LRFN2: variants seen among roughly 807,000 people sequenced by gnomAD.
LRFN2 encodes the protein leucine-rich repeat and fibronectin type-III domain-containing protein 2.
Under a neutral mutation model 37.3 loss-of-function variants are expected in LRFN2, and 18 were observed. The ratio of observed to expected loss-of-function variants is 0.48; its 90% CI spans 0.33 to 0.72. The LOEUF (loss-of-function observed/expected upper bound fraction) is 0.72, where lower values mean the gene tolerates loss of function less well. Ranked by LOEUF, LRFN2 falls within the 30% of genes least tolerant of loss-of-function variation. The probability of loss-of-function intolerance (pLI) is 0.02; values close to 1 mark genes in which losing one functional copy is unlikely to be tolerated. For missense variants in LRFN2, 1,006 were observed against 1,060.7 expected, an observed-to-expected ratio of 0.95 and a Z score of 0.72; for synonymous variants, 556 against 466.6, an observed-to-expected ratio of 1.19 and a Z score of -2.47.
rs543147086 is a variant in LRFN2 at position 40,578,390 on chromosome 6, A to G, written c.-19+8551T>C. On this transcript the variant is annotated intron_variant, in intron 1 of 2. Coordinates refer to ENST00000338305, the MANE Select transcript of LRFN2 (RefSeq NM_020737.3). The stretch of plus-strand genomic sequence containing the variant: ...TTCTTGTGACCCCTCGCCTGAATGC[A>G]GTGTGGCTGTAAGGTACAATGAAAA... Among the ~76,000 whole-genome samples the G allele has an allele frequency of 1.3e-3, 202 of 152,334 alleles. 1 individual carries two copies. Among genetic ancestry groups the G allele is most frequent in the African/African-American group, 4.7e-3 (195 of 41,574 alleles).
intron 1 of LRFN2, among the ~76,000 whole-genome samples, chr6:40,462,002 A>G (rs1764358203): frequency 6.6e-6 from 1 of 152,170 alleles, no homozygotes; most frequent in African/African-American, 2.4e-5. Flanking sequence ...GGACCTCTTA[A>G]TTCTGTTACA....
intron 1 of LRFN2, among the ~76,000 whole-genome samples, chr6:40,550,123 C>T (rs375982): frequency 4.6e-5 from 7 of 152,200 alleles, no homozygotes; most frequent in South Asian, 4.1e-4. Context: ...GGTGCAGCTG[C>T]GGCACAGCCA....
chr6:40,566,285 G>A (rs1170394107), intron 1 of LRFN2, among the ~76,000 whole-genome samples: 3 of 152,126 alleles, frequency 2.0e-5, no homozygotes, highest in African/African-American at 4.8e-5. Context: ...CACTGTTGGT[G>A]GGACTGTAAA....
intron 1 of LRFN2, among the ~76,000 whole-genome samples, chr6:40,442,226 G>A (rs899229668): frequency 3.9e-5 from 6 of 152,302 alleles, no homozygotes; most frequent in South Asian, 2.1e-4. Flanking sequence ...GGTGAATAAC[G>A]CAAAGTGGCA....
At chr6:40,436,576 C>T (rs1763682146) in intron 1 of LRFN2, among the ~76,000 whole-genome samples, 1 of 152,142 alleles carries the variant, frequency 6.6e-6, no homozygotes, top group South Asian at 2.1e-4. Context: ...CTGCCCTGGC[C>T]TCCCCATGAG....
chr6:40,508,792 G>A (rs1765612697), intron 1 of LRFN2, among the ~76,000 whole-genome samples: 1 of 152,184 alleles, frequency 6.6e-6, no homozygotes, highest in Admixed American at 6.5e-5. Flanking sequence ...AACAGCAGAA[G>A]CAGAGTCTTA....
intron 1 of LRFN2, among the ~76,000 whole-genome samples, chr6:40,558,627 G>C (rs116828123): frequency 6.6e-6 from 1 of 152,300 alleles, no homozygotes; most frequent in South Asian, 2.1e-4. Flanking sequence ...GGGGCCCAGT[G>C]GGGGAAGGCG....
intron 1 of LRFN2, among the ~76,000 whole-genome samples, chr6:40,511,993 G>T (rs1765721802): frequency 6.6e-6 from 1 of 152,242 alleles, no homozygotes; most frequent in Non-Finnish European, 1.5e-5. Context: ...GTTTTGCAAA[G>T]ATGAGCAAAG....
intron 1 of LRFN2, among the ~76,000 whole-genome samples, chr6:40,574,841 A>T (rs2113796439): frequency 1.3e-5 from 2 of 152,234 alleles, no homozygotes; most frequent in African/African-American, 4.8e-5. Context: ...CCTTGGAGTC[A>T]TGGGACTCAC....
rs7746832 is a variant in LRFN2, at chr6:40,452,733, C to T, written c.-18-19602G>A. Among the ~76,000 whole-genome samples, 1,312 of 152,166 alleles carry T rather than the reference C, an allele frequency of 8.6e-3. 19 individuals carry two copies. The highest frequency in any genetic ancestry group is 0.03 in the African/African-American group (1,226 of 41,508). On this transcript the variant is annotated intron_variant, in intron 1 of 2. Coordinates refer to ENST00000338305, the MANE Select transcript of LRFN2 (RefSeq NM_020737.3). ...TAAGGGAGGTTCCTTTGAAGCCAAC[C>T]GTATGAACATTATGGAATTATCCTT...
At chr6:40,571,532 G>A (rs570246251) in intron 1 of LRFN2, among the ~76,000 whole-genome samples, 15 of 152,274 alleles carry the variant, frequency 9.9e-5, no homozygotes, top group Admixed American at 2.0e-4. Flanking sequence ...GGGGAGGGAG[G>A]GAGCTGAAAC....
intron 1 of LRFN2, among the ~76,000 whole-genome samples, chr6:40,497,250 T>C (rs751339786): frequency 1.9e-4 from 29 of 152,254 alleles, no homozygotes; most frequent in Non-Finnish European, 2.9e-4. Flanking sequence ...AGATGTCCCT[T>C]ACCAGCAAAC....
At chr6:40,468,615 G>T (rs1182429773) in intron 1 of LRFN2, among the ~76,000 whole-genome samples, 2 of 152,094 alleles carry the variant, frequency 1.3e-5, no homozygotes, top group African/African-American at 4.8e-5. Flanking sequence ...CAGATCTGGG[G>T]GCCTGAAGTT....
chr6:40,405,042 C>T (rs1017670490), intron 2 of LRFN2, among the ~76,000 whole-genome samples: 2 of 152,236 alleles, frequency 1.3e-5, no homozygotes, highest in African/African-American at 2.4e-5. Context: ...CCACAGTCCT[C>T]AAATAGGGCC....
intron 1 of LRFN2, among the ~76,000 whole-genome samples, chr6:40,539,832 G>A (rs1260136412): frequency 6.6e-6 from 1 of 152,184 alleles, no homozygotes; most frequent in African/African-American, 2.4e-5. Flanking sequence ...CTTGGTCCCT[G>A]CCCTACTCAC....
At chr6:40,556,658 GTCTCTCTCTCTC>G (rs60167160) in intron 1 of LRFN2, among the ~76,000 whole-genome samples, 36 of 139,440 alleles carry the variant, frequency 2.6e-4, no homozygotes, top group East Asian at 1.8e-3. Flanking sequence ...TTAGAACCAG[GTCTCTCTCTCTC>G]TCTCTCTCTC....
chr6:40,529,796 C>G (rs1766315295), intron 1 of LRFN2, among the ~76,000 whole-genome samples: 1 of 152,238 alleles, frequency 6.6e-6, no homozygotes, highest in South Asian at 2.1e-4. Flanking sequence ...ATAACCCCCA[C>G]AGGGTGGATG....
chr6:40,577,487 G>C (rs1441846184), intron 1 of LRFN2, among the ~76,000 whole-genome samples: 1 of 151,780 alleles, frequency 6.6e-6, no homozygotes, highest in Non-Finnish European at 1.5e-5. Context: ...CATTGTGCAG[G>C]TTAGTTACAT....
chr6:40,401,447 G>A (rs2436723), intron 2 of LRFN2, among the ~76,000 whole-genome samples: 147,927 of 152,234 alleles, frequency 0.97, 72,000 homozygotes, highest in East Asian at 1. Flanking sequence ...AGGGAGGTAC[G>A]TACTGGGTAC....
Sources: allele counts gnomAD v4.1 joint callset (sites outside exome capture counted in the v4.1 genomes callset), GRCh38; gene constraint gnomAD v4.1.1; transcripts MANE v1.5; gene names NCBI Gene and HGNC (gene_info 2026-07-23, HGNC 2026-07-21).